BLTP1: variants seen among roughly 807,000 people sequenced by gnomAD.
BLTP1 encodes the protein bridge-like lipid transfer protein family member 1.
chr4:122,172,924 G>T, the BLTP1 span: 1 of 1,565,820 alleles, frequency 6.4e-7, no homozygotes, highest in Non-Finnish European at 8.6e-7. Context: ...GAAGAAAGCT[G>T]GATAAAGTAT....
the BLTP1 span, chr4:122,301,135 C>CATATAT: frequency 1.4e-6 from 1 of 704,080 alleles, no homozygotes; most frequent in African/African-American, 1.9e-5. Flanking sequence ...CAGAATTATC[C>CATATAT]CTATCTTTCA....
the BLTP1 span, chr4:122,261,798 T>C: frequency 1.0e-6 from 1 of 979,478 alleles, no homozygotes; most frequent in Non-Finnish European, 1.2e-6. Flanking sequence ...TGAAACATGC[T>C]TATCAAGTGT....
the BLTP1 span, among the ~76,000 whole-genome samples, chr4:122,282,729 A>G: frequency 6.6e-6 from 1 of 152,090 alleles, no homozygotes; most frequent in Non-Finnish European, 1.5e-5. Flanking sequence ...ATATAGTTTT[A>G]CCATATATGT....
the BLTP1 span, chr4:122,200,018 A>G: frequency 1.0e-6 from 1 of 977,004 alleles, no homozygotes; most frequent in East Asian, 1.1e-4. Flanking sequence ...TAACAATAAC[A>G]AAAGCTGCTA....
chr4:122,226,035 G>A, the BLTP1 span: 1 of 152,218 alleles, frequency 6.6e-6, no homozygotes, highest in African/African-American at 2.4e-5. Context: ...TCATGACTCT[G>A]TAGGCACTTT....
the BLTP1 span, chr4:122,331,764 CAA>C: frequency 1.0e-5 from 10 of 978,008 alleles, no homozygotes; most frequent in Non-Finnish European, 1.2e-5. Context: ...TAGATTTTTG[CAA>C]GTTTTTTAAT....
the BLTP1 span, chr4:122,298,803 G>A: frequency 2.5e-5 from 23 of 903,176 alleles, no homozygotes; most frequent in Middle Eastern, 5.7e-4. Context: ...ATGATTGAGC[G>A]CCTTTCAAGA....
the BLTP1 span, chr4:122,161,216 A>G: frequency 8.6e-5 from 57 of 660,016 alleles, no homozygotes; most frequent in Middle Eastern, 7.6e-4. Context: ...CTTAGGTCCA[A>G]AGATTGTGAT....
At chr4:122,237,631 GT>G in the BLTP1 span, 1 of 765,664 alleles carries the variant, frequency 1.3e-6, no homozygotes, top group Non-Finnish European at 1.6e-6. Flanking sequence ...AAAATTCACT[GT>G]TTATGGGCCT....
chr4:122,356,989 C>G, the BLTP1 span: 2 of 982,324 alleles, frequency 2.0e-6, no homozygotes, highest in African/African-American at 3.5e-5. Context: ...ATCTTATGTA[C>G]ATTTTCAGTT....
the BLTP1 span, chr4:122,254,386 T>G: frequency 1.4e-6 from 2 of 1,475,690 alleles, no homozygotes; most frequent in Non-Finnish European, 1.9e-6. Context: ...GCTTGATGTT[T>G]CTTTATTTTA....
chr4:122,265,287 C>T, the BLTP1 span, among the ~76,000 whole-genome samples: 1 of 152,164 alleles, frequency 6.6e-6, no homozygotes, highest in Non-Finnish European at 1.5e-5. Flanking sequence ...TAAATCTTTT[C>T]TAGATTACTT....
At chr4:122,162,598 T>G in the BLTP1 span, 1 of 985,070 alleles carries the variant, frequency 1.0e-6, no homozygotes, top group Non-Finnish European at 1.2e-6. Flanking sequence ...GTGACGAAAG[T>G]CCTCTCATCC....
the BLTP1 span, among the ~76,000 whole-genome samples, chr4:122,240,808 G>T: frequency 0.028 from 4,313 of 152,168 alleles, 137 homozygotes; most frequent in African/African-American, 0.08. Context: ...AATGTATTCT[G>T]AAAATGCATT....
At chr4:122,310,908 C>A in the BLTP1 span, 1 of 933,882 alleles carries the variant, frequency 1.1e-6, no homozygotes, top group South Asian at 5.0e-5. Flanking sequence ...GCCTATTATC[C>A]AAAAGACCAG....
chr4:122,262,189 T>TGTGTGTGTGTGTG, the BLTP1 span, among the ~76,000 whole-genome samples: 4 of 150,888 alleles, frequency 2.7e-5, no homozygotes, highest in Admixed American at 6.6e-5. Context: ...TGTGTGTGTA[T>TGTGTGTGTGTGTG]AGTAAGTTTT....
At chr4:122,286,525 T>C in the BLTP1 span, 1 of 1,613,660 alleles carries the variant, frequency 6.2e-7, no homozygotes, top group Non-Finnish European at 8.5e-7. Flanking sequence ...ACAATAACTT[T>C]TCTCATTTCT....
chr4:122,309,097 T>C, the BLTP1 span: 1 of 440,362 alleles, frequency 2.3e-6, no homozygotes, highest in Admixed American at 6.4e-5. Context: ...GGCAAGTACA[T>C]TGCACTTAAG....
At chr4:122,237,842 G>A in the BLTP1 span, among the ~76,000 whole-genome samples, 1 of 151,980 alleles carries the variant, frequency 6.6e-6, no homozygotes, top group Non-Finnish European at 1.5e-5. Flanking sequence ...AATTAGCTGG[G>A]TGTGGTGGTG....
Sources: gnomAD v4.1 joint callset for allele counts (sites outside exome capture counted in the v4.1 genomes callset) on GRCh38, gnomAD v4.1.1 for gene constraint, MANE v1.5 for transcripts, NCBI Gene and HGNC (gene_info 2026-07-23, HGNC 2026-07-21) for gene names.